PPP6R2: variants seen among roughly 807,000 people sequenced by gnomAD.
PPP6R2 encodes protein phosphatase 6 regulatory subunit 2.
PPP6R2 carries 62 observed loss-of-function variants against 100.2 expected under a neutral mutation model. The ratio of observed to expected loss-of-function variants is 0.62; its 90% CI spans 0.50 to 0.76. The LOEUF (loss-of-function observed/expected upper bound fraction) is 0.76, where lower values mean the gene tolerates loss of function less well. PPP6R2 is among the 30% of genes least tolerant of loss of function. PPP6R2 has a pLI of 0.00. For missense variants in PPP6R2, 1,142 were observed against 1,276.3 expected (o/e 0.89, Z 1.60); for synonymous variants, 525 against 514.7 (o/e 1.02, Z -0.27).
At position 50,431,623 on chromosome 22, in the gene PPP6R2, AGGGTTAGCACTGGAT is replaced by A. The variant is rs1219240650; in HGVS notation, c.1335+243_1335+257del. Reference sequence around the variant, plus strand: ...GTGCCTTCCACGTGCAGGCCTGGCAAGGGTTAGCACTGGATGAGATGAGTTCAGTCTGGCCTCCAG... The same window carrying A: ...GTGCCTTCCACGTGCAGGCCTGGCAAGAGATGAGTTCAGTCTGGCCTCCAG... On this transcript the variant is annotated intron_variant, in intron 11 of 23. Coordinates refer to ENST00000612753, the MANE Select transcript of PPP6R2 (RefSeq NM_001242898.2). This position sits in a 1 kb window ranked among gnomAD's most constrained non-coding sequence, Gnocchi z 4.8. 6.6e-6 allele frequency among the ~76,000 whole-genome samples: 1 copy of A among 152,132 alleles called. No individual in the cohort carries two copies. The highest frequency in any genetic ancestry group is 1.5e-5 in the Non-Finnish European group (1 of 68,022).
At chr22:50,354,818 G>A (rs2046102997) in intron 1 of PPP6R2, among the ~76,000 whole-genome samples, 1 of 150,992 alleles carries the variant, frequency 6.6e-6, no homozygotes, top group Non-Finnish European at 1.5e-5. Flanking sequence ...ATACAAATCT[G>A]TAACTGGTTG....
At position 50,411,849 on chromosome 22, in the gene PPP6R2, T is replaced by G. The variant is rs545849484; in HGVS notation, c.415-2703T>G. Among the ~76,000 whole-genome samples the G allele has an allele frequency of 3.9e-5, 6 of 151,998 alleles. No individual in the cohort carries two copies. In the East Asian group the frequency reaches 1.2e-3, roughly 30 times the overall value. ...TCACAAGGTCAGGAGATCGAGACCG[T>G]CCTGGCTAACACGGTGAAACTCTGT... On this transcript the variant is annotated intron_variant, in intron 4 of 23. Transcript: ENST00000612753.
chr22:50,387,537 T>C (rs1050073862), intron 2 of PPP6R2, among the ~76,000 whole-genome samples: 3 of 152,220 alleles, frequency 2.0e-5, no homozygotes, highest in Non-Finnish European at 4.4e-5. Flanking sequence ...TGTGCTCACG[T>C]TGCCATTTTT....
chr22:50,441,303 C>T (rs2065553351), intron 22 of PPP6R2, among the ~76,000 whole-genome samples: 1 of 152,018 alleles, frequency 6.6e-6, no homozygotes, highest in Non-Finnish European at 1.5e-5. Flanking sequence ...GAAGACAGGG[C>T]CTGGATGTCC....
the PPP6R2 span, among the ~76,000 whole-genome samples, chr22:50,335,212 C>T: frequency 4.2e-5 from 6 of 141,350 alleles, no homozygotes; most frequent in African/African-American, 8.0e-5. Flanking sequence ...CCACAACACC[C>T]GGCTAATTTT....
At chr22:50,355,395 C>T (rs931925922) in intron 1 of PPP6R2, among the ~76,000 whole-genome samples, 5 of 150,758 alleles carry the variant, frequency 3.3e-5, no homozygotes, top group Admixed American at 2.7e-4. Flanking sequence ...CCTGCCACCA[C>T]GCCCGGCTAA....
Position 50,444,234 on chromosome 22 carries a change from A to G in PPP6R2, c.2867A>G (p.Asn956Ser), listed in dbSNP as rs1188599690. 4 of 1,613,022 alleles carry G rather than the reference A, an allele frequency of 2.5e-6. No individual in the cohort carries two copies. Among genetic ancestry groups the G allele is most frequent in the African/African-American group, 2.7e-5 (2 of 74,878 alleles). ...TDAPPEGAAL[N>S]GPV ...GCCCCGCCAGAAGGAGCTGCCTTAA[A>G]TGGCCCAGTGTGATGCTGCTGCCGC... The change falls in exon 24 of 24, where the codon AAT becomes AGT. Residue 956 changes from asparagine to serine, a missense_variant. By Grantham distance (46) the Asn-to-Ser change is conservative. Coordinates refer to ENST00000612753, the MANE Select transcript of PPP6R2 (RefSeq NM_001242898.2).
chr22:50,417,243 A>C (rs893993390), intron 6 of PPP6R2, among the ~76,000 whole-genome samples: 1 of 151,858 alleles, frequency 6.6e-6, no homozygotes, highest in African/African-American at 2.4e-5. Flanking sequence ...TCAGCATTGC[A>C]CCACATGGGC....
chr22:50,438,071 G>A (rs1336528863), intron 17 of PPP6R2, 103 bp from the exon 18 acceptor site: 5 of 1,521,744 alleles, frequency 3.3e-6, no homozygotes, highest in Non-Finnish European at 4.4e-6. Flanking sequence ...CCAGCCCGGG[G>A]CTCCCACATC....
intron 2 of PPP6R2, among the ~76,000 whole-genome samples, chr22:50,372,464 G>A (rs985192948): frequency 6.6e-6 from 1 of 151,934 alleles, no homozygotes; most frequent in Admixed American, 6.6e-5. Context: ...CAGGAGAATC[G>A]CTTGAATCCA....
intron 21 of PPP6R2, among the ~76,000 whole-genome samples, chr22:50,440,416 C>G (rs763956000): frequency 3.3e-5 from 5 of 152,204 alleles, no homozygotes; most frequent in African/African-American, 9.6e-5. Context: ...GCCCCCAGCC[C>G]CCTAGTCAGG....
At chr22:50,376,518 G>C (rs1049663908) in intron 2 of PPP6R2, among the ~76,000 whole-genome samples, 2 of 152,058 alleles carry the variant, frequency 1.3e-5, no homozygotes, top group Non-Finnish European at 2.9e-5. Context: ...CGCCTCCTGG[G>C]CTCAAGTGAT....
chr22:50,438,513 C>T, intron 18 of PPP6R2, 86 bp from the exon 19 acceptor site: 2 of 1,515,544 alleles, frequency 1.3e-6, no homozygotes, highest in Non-Finnish European at 9.0e-7. Context: ...TGCTCACCCT[C>T]AGCCCCGAGC....
chr22:50,437,845 C>T lies in PPP6R2; in HGVS notation c.1784C>T (p.Ala595Val), dbSNP rs1211690309. The change falls in exon 17 of 24, where the codon GCC becomes GTC. Residue 595 changes from alanine (A) to valine (V), a missense_variant and splice_region_variant. Ala to Val is a moderately conservative substitution (Grantham distance 64). This residue lies in a region of PPP6R2 where 550 missense variants were observed against 517.4 expected (regional missense o/e 1.06). Transcript: ENST00000612753. ...AGCCATCCCCCTTGCTCTTGCAGTG[C>T]CCCGTTTGACAGGATCGCAGAGATC... ...EFADQDDNIN[A>V]PFDRIAEINF... 6.4e-7 allele frequency: 1 copy of T among 1,552,718 alleles called. No homozygotes were observed. The highest frequency in any genetic ancestry group is 8.7e-7 in the Non-Finnish European group (1 of 1,147,702).
At chr22:50,438,541 C>T in intron 18 of PPP6R2, 58 bp from the exon 19 acceptor site, 2 of 1,583,760 alleles carry the variant, frequency 1.3e-6, no homozygotes, top group South Asian at 2.3e-5. Context: ...CGCCACTGAC[C>T]CTCCATGTTA....
chr22:50,373,391 G>A (rs998675986), intron 2 of PPP6R2, among the ~76,000 whole-genome samples: 13 of 150,812 alleles, frequency 8.6e-5, no homozygotes, highest in South Asian at 4.2e-4. Flanking sequence ...ACAGGCACCC[G>A]CCAGCACGCC....
At chr22:50,426,092 G>C (rs1344123917) in intron 10 of PPP6R2, among the ~76,000 whole-genome samples, 1 of 152,016 alleles carries the variant, frequency 6.6e-6, no homozygotes, top group Non-Finnish European at 1.5e-5. Flanking sequence ...AGCTAAGACT[G>C]CAGGCATGCG....
chr22:50,356,905 G>C (rs948484654), intron 1 of PPP6R2, among the ~76,000 whole-genome samples: 1 of 151,590 alleles, frequency 6.6e-6, no homozygotes, highest in African/African-American at 2.4e-5. Flanking sequence ...CTGCCCTCCA[G>C]CTTGGGCGAC....
intron 1 of PPP6R2, among the ~76,000 whole-genome samples, chr22:50,351,336 G>A (rs1415964175): frequency 2.8e-5 from 4 of 144,216 alleles, no homozygotes; most frequent in East Asian, 4.2e-4. Context: ...CACCGCGCTC[G>A]GCCTGATTTA....
Sources: gnomAD v4.1 joint callset for allele counts (sites outside exome capture counted in the v4.1 genomes callset) on GRCh38, gnomAD v4.1.1 for gene constraint, gnomAD v4.1.1 regional missense constraint, Gnocchi (gnomAD v3.1) non-coding constraint, MANE v1.5 for transcripts, NCBI Gene and HGNC (gene_info 2026-07-23, HGNC 2026-07-21) for gene names.